The following SLC25A24 variants were observed in gnomAD, a reference collection of about 807,000 sequenced individuals.
The protein encoded by SLC25A24 is solute carrier family 25 member 24, also known as mitochondrial adenyl nucleotide antiporter SLC25A24.
A neutral mutation model predicts 60.7 loss-of-function variants in SLC25A24; 49 were observed. The ratio of observed to expected loss-of-function variants is 0.81; its 90% CI spans 0.64 to 1.02. The LOEUF is 1.02. Ranked by LOEUF, SLC25A24 falls within the 50% of genes least tolerant of loss-of-function variation. SLC25A24 has a pLI of 0.00. For synonymous variants in SLC25A24, 202 were observed against 200.6 expected (o/e 1.01, Z -0.06); for missense variants, 564 against 586.3 (o/e 0.96, Z 0.39).
intron 3 of SLC25A24, among the ~76,000 whole-genome samples, chr1:108,162,786 C>G (rs1399572014): frequency 1.3e-5 from 2 of 151,460 alleles, no homozygotes; most frequent in Non-Finnish European, 3.0e-5. Context: ...TGTGCAGAAG[C>G]TCTTTAGTTT....
intron 1 of SLC25A24, among the ~76,000 whole-genome samples, chr1:108,198,277 A>C (rs1055927342): frequency 2.6e-5 from 4 of 152,218 alleles, no homozygotes; most frequent in African/African-American, 9.6e-5. Context: ...GCAGAATAGG[A>C]GACTTTACAA....
intron 5 of SLC25A24, 112 bp downstream of exon 5, chr1:108,157,350 G>T: frequency 9.0e-7 from 1 of 1,114,838 alleles, no homozygotes; most frequent in Non-Finnish European, 1.3e-6. Context: ...TTATTTTTTA[G>T]GGTATAAAAG....
In SLC25A24 at chr1:108,191,919, T is replaced by C. The variant is rs750502478; in HGVS notation, c.184-5965A>G. ...AAGCACAACATGCTGAGAAGGAGCC[T>C]GTAGGTTAGCCTTCTGGGGAAGAGA... is the stretch of plus-strand genomic sequence containing the variant. On this transcript the variant is annotated intron_variant, in intron 1 of 9. Transcript: ENST00000565488. Among the ~76,000 whole-genome samples, 6 of 139,234 alleles carry C rather than the reference T, an allele frequency of 4.3e-5. 2 individuals carry two copies. Among genetic ancestry groups the C allele is most frequent in the Non-Finnish European group, 7.9e-5 (5 of 63,646 alleles). The allele number at this position is 139,234 out of a possible 152,430, so 91.3% of individuals were successfully genotyped here.
chr1:108,183,375 G>A (rs1313574440), intron 2 of SLC25A24, among the ~76,000 whole-genome samples: 1 of 152,146 alleles, frequency 6.6e-6, no homozygotes, highest in Admixed American at 6.6e-5. Flanking sequence ...AAAGAGATAT[G>A]GTTAATTCTC....
chr1:108,181,125 C>T (rs2101637136), intron 3 of SLC25A24, among the ~76,000 whole-genome samples: 1 of 151,160 alleles, frequency 6.6e-6, no homozygotes, highest in East Asian at 1.9e-4. Flanking sequence ...AGACTTTGAG[C>T]CTTCCTCTTG....
intron 6 of SLC25A24, among the ~76,000 whole-genome samples, chr1:108,149,393 C>T (rs1679696150): frequency 1.3e-5 from 2 of 152,070 alleles, no homozygotes; most frequent in Non-Finnish European, 2.9e-5. Context: ...CACGTGGCCT[C>T]GAGCAAGTTC....
chr1:108,175,128 G>T (rs1186346337), intron 3 of SLC25A24, among the ~76,000 whole-genome samples: 1 of 152,104 alleles, frequency 6.6e-6, no homozygotes, highest in Non-Finnish European at 1.5e-5. Flanking sequence ...GGGCAAAAAT[G>T]ATATGGTTTG....
rs952566550 is a variant in SLC25A24 at position 108,136,581 on chromosome 1, A to G, written c.*72T>C. 35 of 1,330,076 alleles carry G rather than the reference A, an allele frequency of 2.6e-5. No homozygotes were observed. In the East Asian group the frequency reaches 5.3e-4, roughly 20 times the overall value. 82.4% of individuals were successfully genotyped at this position (1,330,076 alleles called of 1,614,324 possible). On this transcript the variant is annotated 3_prime_UTR_variant, in exon 10 of 10. Transcript: ENST00000565488. ...CTTCTTTTGCCATAGACTTGTTTCAATTCGAGGAGAAAAAGTCACTCCAGA... is the reference window on the plus strand; with the variant it reads ...CTTCTTTTGCCATAGACTTGTTTCAGTTCGAGGAGAAAAAGTCACTCCAGA...
rs1395297162 is a variant in SLC25A24, at chr1:108,138,180, C to T, written c.1249+878G>A. ...TTACTTGCTGGACATAACGTCTTCT[C>T]TACTCTACACTGGCGGGGCCACACC... On this transcript the variant is annotated intron_variant, in intron 9 of 9. Coordinates refer to ENST00000565488, the MANE Select transcript of SLC25A24 (RefSeq NM_013386.5). 3.9e-5 allele frequency among the ~76,000 whole-genome samples: 6 copies of T among 152,198 alleles called. 1 individual carries two copies. The South Asian group carries it at 1.2e-3, about 32-fold the overall frequency.
Position 108,139,213 on chromosome 1 carries a change from C to T in SLC25A24, c.1099-5G>A, listed in dbSNP as rs1298291358. The T allele has an allele frequency of 8.2e-6, 13 of 1,581,922 alleles. No homozygotes were observed. Among genetic ancestry groups the T allele is most frequent in the Non-Finnish European group, 8.6e-6 (10 of 1,167,792 alleles). ...CAGCCAATAGGACTTCAAGAGCTGC[C>T]AGAGAAATAAAGAAGAAAATAATTA... On this transcript the variant is annotated splice_polypyrimidine_tract_variant and splice_region_variant and intron_variant, in intron 8 of 9. Coordinates refer to ENST00000565488, the MANE Select transcript of SLC25A24 (RefSeq NM_013386.5).
intron 1 of SLC25A24, among the ~76,000 whole-genome samples, chr1:108,187,025 C>T (rs1412459445): frequency 2.0e-5 from 3 of 149,154 alleles, no homozygotes; most frequent in African/African-American, 5.0e-5. Flanking sequence ...TGCTGTGAGC[C>T]GAGATCGCAC....
chr1:108,135,664 C>G lies in SLC25A24; in HGVS notation c.*989G>C, dbSNP rs892584925. The G allele has an allele frequency of 2.6e-5, 4 of 152,470 alleles. No homozygotes were observed. Among genetic ancestry groups the G allele is most frequent in the African/African-American group, 9.7e-5 (4 of 41,434 alleles). The allele number at this position is 152,470 out of a possible 1,614,324, so 9.4% of individuals were successfully genotyped here. A position where few individuals can be genotyped will look rare whatever the true frequency, so the allele number is the denominator to read the frequency against. Reference sequence around the variant, plus strand: ...TACATACTACTATTAATATGTATCTCTCACCTTTGTGCTGCCCATATTGAA... The same window carrying G: ...TACATACTACTATTAATATGTATCTGTCACCTTTGTGCTGCCCATATTGAA... On this transcript the variant is annotated 3_prime_UTR_variant, in exon 10 of 10. Transcript: ENST00000565488.
intron 7 of SLC25A24, among the ~76,000 whole-genome samples, chr1:108,144,892 C>G (rs1043636950): frequency 6.6e-6 from 1 of 152,112 alleles, no homozygotes; most frequent in Non-Finnish European, 1.5e-5. Flanking sequence ...AATAAATATA[C>G]GTGTGCATGT....
chr1:108,170,000 T>C (rs1207342984), intron 3 of SLC25A24, among the ~76,000 whole-genome samples: 1 of 152,162 alleles, frequency 6.6e-6, no homozygotes, highest in Non-Finnish European at 1.5e-5. Flanking sequence ...ATCCTGTTAC[T>C]GCATCTTTGC....
At chr1:108,167,572 C>G in intron 3 of SLC25A24, among the ~76,000 whole-genome samples, 1 of 152,196 alleles carries the variant, frequency 6.6e-6, no homozygotes, top group Non-Finnish European at 1.5e-5. Flanking sequence ...CATCTGTCAC[C>G]CCTTTCTTTG....
At chr1:108,172,574 C>G (rs566787370) in intron 3 of SLC25A24, among the ~76,000 whole-genome samples, 1 of 152,306 alleles carries the variant, frequency 6.6e-6, no homozygotes, top group South Asian at 2.1e-4. Context: ...ATAGAGTTCA[C>G]TTATTACCAA....
At chr1:108,144,598 A>T (rs1416315488) in intron 7 of SLC25A24, among the ~76,000 whole-genome samples, 1 of 152,076 alleles carries the variant, frequency 6.6e-6, no homozygotes, top group Admixed American at 6.5e-5. Flanking sequence ...ATCCCCAAAA[A>T]GGCCCCAGTG....
chr1:108,184,117 T>C (rs1648036335), intron 2 of SLC25A24, among the ~76,000 whole-genome samples: 1 of 152,218 alleles, frequency 6.6e-6, no homozygotes, highest in Non-Finnish European at 1.5e-5. Context: ...ATTGTGTAGA[T>C]TTCCTACAAA....
chr1:108,197,786 A>G (rs1648537932), intron 1 of SLC25A24, among the ~76,000 whole-genome samples: 1 of 152,220 alleles, frequency 6.6e-6, no homozygotes, highest in Admixed American at 6.5e-5. Context: ...CAAAAGGCAA[A>G]GCAAGTGCTA....
Sources: allele counts gnomAD v4.1 joint callset (sites outside exome capture counted in the v4.1 genomes callset), GRCh38; gene constraint gnomAD v4.1.1; transcripts MANE v1.5; gene names NCBI Gene and HGNC (gene_info 2026-07-23, HGNC 2026-07-21).